Variants in PM20D1 observed in about 807,000 individuals in gnomAD.
PM20D1 encodes the protein N-fatty-acyl-amino acid synthase/hydrolase PM20D1.
A neutral mutation model predicts 53.8 loss-of-function variants in PM20D1; 53 were observed. The ratio of observed to expected loss-of-function variants is 0.98; its 90% CI spans 0.79 to 1.24. The LOEUF (loss-of-function observed/expected upper bound fraction) is 1.24. Ranked by LOEUF, PM20D1 falls within the 50% of genes most tolerant of loss-of-function variation. The pLI, the probability that PM20D1 is intolerant of heterozygous loss-of-function variation, is 0.00. For missense variants in PM20D1, 564 were observed against 616.8 expected, an observed-to-expected ratio of 0.91 and a Z score of 0.91; for synonymous variants, 239 against 241.3, an observed-to-expected ratio of 0.99 and a Z score of 0.09.
chr1:205,829,028 G>A (rs1178213632), intron 12 of PM20D1, among the ~76,000 whole-genome samples: 2 of 152,074 alleles, frequency 1.3e-5, no homozygotes, highest in East Asian at 1.9e-4. Context: ...TTTGTCCTCC[G>A]GGAGAATTAT....
rs1428424892 is a variant in PM20D1 at position 205,840,273 on chromosome 1, G to T, written c.1095C>A (p.His365Gln). The T allele has an allele frequency of 2.5e-6, 4 of 1,614,062 alleles. No homozygotes were observed. The highest frequency in any genetic ancestry group is 1.1e-5 in the South Asian group (1 of 91,046). Residue 365 changes from histidine (H) to glutamine (Q), a missense_variant, in exon 10 of 13, where the codon CAC becomes CAA. By Grantham distance (24) the His-to-Gln change is conservative. Transcript: ENST00000367136. ...ATACCTCTTGGACTGTCTGTCCAGG[G>T]TGAATCCGGAAGTTGACTGTGGCCT... ...VAQATVNFRI[H>Q]PGQTVQEVLE...
chr1:205,842,607 C>CTA, intron 7 of PM20D1, 69 bp downstream of exon 7: 1 of 1,508,022 alleles, frequency 6.6e-7, no homozygotes, highest in South Asian at 1.1e-5. Flanking sequence ...TTTTCTTACT[C>CTA]TAAAGGTTAC....
Position 205,843,766 on chromosome 1 carries a change from C to G in PM20D1, c.728G>C (p.Gly243Ala). The G allele has an allele frequency of 6.2e-7, 1 of 1,614,084 alleles. No individual in the cohort carries two copies. The highest frequency in any genetic ancestry group is 8.5e-7 in the Non-Finnish European group (1 of 1,179,992). The change falls in exon 6 of 13, where the codon GGT (glycine) becomes GCT (alanine). Residue 243 changes from glycine (G) to alanine (A), a missense_variant. By Grantham distance (60) the Gly-to-Ala change is moderately conservative. Transcript: ENST00000367136. ...TACTTGCAGCATGAGGTTCATGGAACCCTTCTCTGAGACTGCAATCCTGTA... is the reference window on the plus strand; with the variant it reads ...TACTTGCAGCATGAGGTTCATGGAAGCCTTCTCTGAGACTGCAATCCTGTA... ...PIALIAVSEK[G>A]SMNLMLQVNM...
chr1:205,839,178 A>G (rs1311739854), intron 10 of PM20D1, among the ~76,000 whole-genome samples: 4 of 152,168 alleles, frequency 2.6e-5, no homozygotes, highest in African/African-American at 7.2e-5. Flanking sequence ...ATCAGTTTTC[A>G]TCTCCTATTA....
At chr1:205,836,387 A>G (rs923869628) in intron 10 of PM20D1, among the ~76,000 whole-genome samples, 1 of 152,190 alleles carries the variant, frequency 6.6e-6, no homozygotes, top group African/African-American at 2.4e-5. Flanking sequence ...TTGTCATCCC[A>G]TCTGCTGCAA....
chr1:205,838,355 T>C (rs1487743056), intron 10 of PM20D1, among the ~76,000 whole-genome samples: 1 of 152,248 alleles, frequency 6.6e-6, no homozygotes, highest in Non-Finnish European at 1.5e-5. Flanking sequence ...ACATTCTGTG[T>C]AACTTCTACT....
intron 10 of PM20D1, among the ~76,000 whole-genome samples, chr1:205,839,936 AAAGAAAGG>A (rs1656768146): frequency 7.2e-6 from 1 of 138,096 alleles, no homozygotes; most frequent in Non-Finnish European, 1.6e-5. Context: ...AAAAAAAAAA[AAAGAAAGG>A]AAGAAAGGTG....
At position 205,828,565 on chromosome 1, in the gene PM20D1, T is replaced by C. The variant is rs1656490417; in HGVS notation, c.*55A>G. On this transcript the variant is annotated 3_prime_UTR_variant, in exon 13 of 13. Transcript: ENST00000367136. Reference sequence around the variant, plus strand: ...GTTTCATCAACACTAGCTTTCCCCCTTGGGTTAGTCCTGTCCCGGGGTCGG... The same window carrying C: ...GTTTCATCAACACTAGCTTTCCCCCCTGGGTTAGTCCTGTCCCGGGGTCGG... The C allele has an allele frequency of 1.2e-6, 2 of 1,602,776 alleles. No individual in the cohort carries two copies. The highest frequency in any genetic ancestry group is 1.3e-5 in the African/African-American group (1 of 74,394).
intron 1 of PM20D1, among the ~76,000 whole-genome samples, chr1:205,848,236 A>G (rs1657044580): frequency 6.6e-6 from 1 of 152,200 alleles, no homozygotes. Flanking sequence ...TGGTTCTTAA[A>G]GGCAAATACA....
chr1:205,846,990 T>TTTCC lies in PM20D1; in HGVS notation c.256+891_256+894dup, dbSNP rs1488050224. On this transcript the variant is annotated intron_variant, in intron 2 of 12. Coordinates refer to ENST00000367136, the MANE Select transcript of PM20D1 (RefSeq NM_152491.5). ...ATCCCTGAGCCACTCATTTTTGTTT[T>TTTCC]TTCCTTCCTTCCTTTCTTTTTTTTT... Among the ~76,000 whole-genome samples, 660 of 147,460 alleles carry TTTCC rather than the reference T, an allele frequency of 4.5e-3. 7 individuals are homozygous for TTTCC. The highest frequency in any genetic ancestry group is 0.016 in the African/African-American group (615 of 39,430).
chr1:205,837,211 C>T (rs1656703460), intron 10 of PM20D1, among the ~76,000 whole-genome samples: 1 of 152,204 alleles, frequency 6.6e-6, no homozygotes, highest in South Asian at 2.1e-4. Flanking sequence ...ACAGTAGCTA[C>T]CAATAGACAC....
chr1:205,832,369 G>A (rs1194964680), intron 11 of PM20D1, among the ~76,000 whole-genome samples: 1 of 152,132 alleles, frequency 6.6e-6, no homozygotes, highest in Non-Finnish European at 1.5e-5. Flanking sequence ...GCTGGCCTAG[G>A]TTAAGCAAGG....
rs575656450 is a variant in PM20D1, at chr1:205,834,723, A to G, written c.1117-1957T>C. Among the ~76,000 whole-genome samples the G allele has an allele frequency of 2.6e-5, 4 of 152,334 alleles. No individual in the cohort carries two copies. The South Asian group carries it at 8.3e-4, about 32-fold the overall frequency. ...TGGCAAGTTTCTGAAGTCAGCCTCC[A>G]TGAGGTGGGTTGGGACTGTGCCCAC... On this transcript the variant is annotated intron_variant, in intron 10 of 12. Transcript: ENST00000367136.
chr1:205,828,705 T>C lies in PM20D1; in HGVS notation c.1424A>G (p.Tyr475Cys). The change falls in exon 13 of 13, where the codon TAT becomes TGT. Residue 475 changes from tyrosine (Y) to cysteine (C), a missense_variant. Tyr to Cys is a radical substitution (Grantham distance 194). Coordinates refer to ENST00000367136, the MANE Select transcript of PM20D1 (RefSeq NM_152491.5). ...GVNEKISVQA[Y>C]ETQVKFIFEL... is the part of the protein sequence containing the mutation. ...AAAGATGAATTTCACTTGGGTCTCA[T>C]AGGCTTGGACTGAGATTTTCTCGTT... 6 of 1,614,136 alleles carry C rather than the reference T, an allele frequency of 3.7e-6. No individual in the cohort carries two copies. Among genetic ancestry groups the C allele is most frequent in the East Asian group, 2.2e-5 (1 of 44,884 alleles).
intron 10 of PM20D1, 45 bp from the exon 11 acceptor site, chr1:205,832,811 A>G (rs1448313893): frequency 6.6e-7 from 1 of 1,512,210 alleles, no homozygotes; most frequent in Non-Finnish European, 8.9e-7. Flanking sequence ...ATTGATTTCT[A>G]TACATGTACA....
At chr1:205,833,523 G>C (rs1483820276) in intron 10 of PM20D1, among the ~76,000 whole-genome samples, 1 of 152,232 alleles carries the variant, frequency 6.6e-6, no homozygotes, top group Non-Finnish European at 1.5e-5. Context: ...TATGATACTT[G>C]TATTCAAGTT....
In PM20D1 at chr1:205,843,885, G is replaced by A. The variant is rs1384081016; in HGVS notation, c.708-99C>T. 4.0e-6 allele frequency: 6 copies of A among 1,512,616 alleles called. No homozygotes were observed. The African/African-American group carries it at 8.4e-5, about 21-fold the overall frequency. The allele number at this position is 1,512,616 out of a possible 1,614,324, so 93.7% of individuals were successfully genotyped here. On this transcript the variant is annotated intron_variant, in intron 5 of 12. Transcript: ENST00000367136. ...TCTGTGCAATAGTCTAGTGGGCAAG[G>A]AGGTAGCTTCATGCTGCTTTAAAAA...
At chr1:205,844,287 G>A in intron 4 of PM20D1, 70 bp from the exon 5 acceptor site, 3 of 1,474,614 alleles carry the variant, frequency 2.0e-6, no homozygotes, top group Non-Finnish European at 2.7e-6. Flanking sequence ...AGCTAATGGG[G>A]ACCTATTCAG....
intron 11 of PM20D1, among the ~76,000 whole-genome samples, chr1:205,831,708 C>T (rs1440577755): frequency 6.6e-6 from 1 of 151,802 alleles, no homozygotes; most frequent in Non-Finnish European, 1.5e-5. Flanking sequence ...GGACTACAGG[C>T]GTGAGCTACC....
Sources: allele counts gnomAD v4.1 joint callset (sites outside exome capture counted in the v4.1 genomes callset), GRCh38; gene constraint gnomAD v4.1.1; transcripts MANE v1.5; gene names NCBI Gene and HGNC (gene_info 2026-07-23, HGNC 2026-07-21).